Variants in C10orf120 observed in about 807,000 individuals in gnomAD.
The protein encoded by C10orf120 is uncharacterized protein C10orf120.
A neutral mutation model predicts 10.8 loss-of-function variants in C10orf120; 15 were observed. That is an observed-to-expected ratio of 1.39 (90% confidence interval 0.93 to 2.14). The LOEUF (loss-of-function observed/expected upper bound fraction) is 2.14. Among genes scored for constraint, C10orf120 ranks in the 30% most tolerant of loss-of-function variants. The pLI is 0.00. For missense variants in C10orf120, 447 were observed against 411.3 expected (o/e 1.09, Z -0.75); for synonymous variants, 141 against 138.9 (o/e 1.02, Z -0.11).
chr10:122,699,438 A>T, intron 1 of C10orf120, 26 bp from the exon 2 acceptor site: 1 of 1,585,112 alleles, frequency 6.3e-7, no homozygotes, highest in Non-Finnish European at 8.7e-7. Flanking sequence ...CAGGAATATC[A>T]GAATTCTGGA....
chr10:122,698,325 A>G lies in C10orf120; in HGVS notation c.416T>C (p.Leu139Pro). 1 of 1,614,144 alleles carries G rather than the reference A, an allele frequency of 6.2e-7. No homozygotes were observed. Residue 139 changes from leucine to proline, a missense_variant, in exon 3 of 3, where the codon CTA (leucine) becomes CCA (proline). Transcript: ENST00000329446. The stretch of plus-strand genomic sequence containing the variant: ...CACCTTTGCTGTCCATATTTTTTCT[A>G]GGGGTACACAAATAGCACAAGGAGA... ...HSSPCAICVP[L>P]EKIWTAKVIA...
Position 122,699,741 on chromosome 10 carries a change from GC to G in C10orf120, c.49del (p.Ala17LeufsTer36). The G allele has an allele frequency of 6.2e-7, 1 of 1,613,930 alleles. No homozygotes were observed. Among genetic ancestry groups the G allele is most frequent in the South Asian group, 1.1e-5 (1 of 91,064 alleles). ...CCTTTCTTGCACCATTGTGTCACTA[GC>G]CCTCTGTTTTTCAATCCTCTGACAG... ...NDCQRIEKQR[A>X]SDTMVQERKN... On this transcript the variant is annotated frameshift_variant, in exon 1 of 3. Coordinates refer to ENST00000329446, the MANE Select transcript of C10orf120 (RefSeq NM_001010912.4). LOFTEE classifies it high-confidence loss of function.
At position 122,699,347 on chromosome 10, in the gene C10orf120, T is replaced by C. The variant is rs1421099302; in HGVS notation, c.242A>G (p.Lys81Arg). The C allele has an allele frequency of 1.2e-6, 2 of 1,612,446 alleles. No homozygotes were observed. Among genetic ancestry groups the C allele is most frequent in the Non-Finnish European group, 1.7e-6 (2 of 1,178,768 alleles). Residue 81 changes from lysine to arginine, a missense_variant, in exon 2 of 3, where the codon AAA becomes AGA. Physicochemically the swap from Lys to Arg is conservative, Grantham distance 26 (BLOSUM62 2). Transcript: ENST00000329446. The part of the protein sequence containing the change: ...IALGKYSPLE[K>R]EILRLGGIHT... ...CTGCGGGACACTTACTAGGATCTCT[T>C]TTTCCAAGGGGGAGTATTTCCCAAG...
In C10orf120 at chr10:122,698,431, C is replaced by T. The variant is rs762904047; in HGVS notation, c.310G>A (p.Glu104Lys). 1 of 1,614,174 alleles carries T rather than the reference C, an allele frequency of 6.2e-7. No individual in the cohort carries two copies. Among genetic ancestry groups the T allele is most frequent in the East Asian group, 2.2e-5 (1 of 44,890 alleles). ...ARRLLAYKQEEECRMLKELQL... is the reference protein window; with the variant it reads ...ARRLLAYKQEKECRMLKELQL... ...AGTTCCTTGAGCATTCTGCATTCTT[C>T]CTCTTGCTTGTAAGCCAAAAGCCTT... is the stretch of plus-strand genomic sequence containing the variant. The change falls in exon 3 of 3, where the codon GAA becomes AAA. Residue 104 changes from glutamate to lysine, a missense_variant. Transcript: ENST00000329446.
At chr10:122,699,253 GT>G in intron 2 of C10orf120, 83 bp downstream of exon 2, 3 of 833,532 alleles carry the variant, frequency 3.6e-6, no homozygotes, top group Non-Finnish European at 6.0e-6. Context: ...TCTGTTACTG[GT>G]GGCTTCTGAA....
At chr10:122,699,452 G>C (rs1233944200) in intron 1 of C10orf120, 40 bp from the exon 2 acceptor site, 2 of 1,558,778 alleles carry the variant, frequency 1.3e-6, no homozygotes, top group African/African-American at 2.7e-5. Flanking sequence ...TTCTGGAAAG[G>C]CTCTTCCTAC....
In C10orf120 at chr10:122,697,979, T is replaced by C. The variant is rs1208949901; in HGVS notation, c.762A>G (p.Lys254=). 3 of 1,609,236 alleles carry C rather than the reference T, an allele frequency of 1.9e-6. No homozygotes were observed. The highest frequency in any genetic ancestry group is 2.2e-5 in the South Asian group (2 of 89,594). The change falls in exon 3 of 3, where the codon AAA becomes AAG. Residue 254 remains lysine (K), a synonymous_variant. Transcript: ENST00000329446. ...GATCATTTCCATGGTATGTTAAACA[T>C]TTTTTTGGTTCTTTTGACTTGAAAA... ...NVVFKSKEPK[K]CLTYHGNDRK...
intron 2 of C10orf120, among the ~76,000 whole-genome samples, chr10:122,698,860 C>G (rs987731065): frequency 6.6e-6 from 1 of 151,972 alleles, no homozygotes; most frequent in Non-Finnish European, 1.5e-5. Flanking sequence ...GGCGCGGTGG[C>G]TCACGCCTGT....
Position 122,697,748 on chromosome 10 carries a change from A to G in C10orf120, c.993T>C (p.Thr331=). Residue 331 remains threonine, a synonymous_variant, in exon 3 of 3, where the codon ACT becomes ACC. Transcript: ENST00000329446. ...SIWKERMRKA[T]PYHY ...AAATAAAACTTTAATAATGATAAGGAGTTGCTTTACGCATGCGCTCTTTCC... is the reference window on the plus strand; with the variant it reads ...AAATAAAACTTTAATAATGATAAGGGGTTGCTTTACGCATGCGCTCTTTCC... The G allele has an allele frequency of 6.2e-7, 1 of 1,614,028 alleles. No homozygotes were observed. Among genetic ancestry groups the G allele is most frequent in the Middle Eastern group, 1.7e-4 (1 of 6,058 alleles).
chr10:122,698,397 A>G lies in C10orf120; in HGVS notation c.344T>C (p.Leu115Pro). The G allele has an allele frequency of 6.2e-7, 1 of 1,614,174 alleles. No homozygotes were observed. The change falls in exon 3 of 3, where the codon CTG (leucine) becomes CCG (proline). Residue 115 changes from leucine to proline, a missense_variant. Transcript: ENST00000329446. ...CATTGCTTGTTTGTAGTCCGGAGAC[A>G]GCAACTGTAGTTCCTTGAGCATTCT... ...ECRMLKELQL[L>P]SPDYKQAMEY...
chr10:122,698,589 G>A (rs955506874), intron 2 of C10orf120, 101 bp from the exon 3 acceptor site: 1 of 1,104,984 alleles, frequency 9.0e-7, no homozygotes, highest in African/African-American at 1.6e-5. Flanking sequence ...TGTGGAAAGT[G>A]TTTGAGCCTC....
intron 2 of C10orf120, 150 bp downstream of exon 2, chr10:122,699,187 A>C (rs752280989): frequency 6.7e-4 from 254 of 378,928 alleles, no homozygotes; most frequent in African/African-American, 3.5e-3. Context: ...TTGCTGTGCA[A>C]GTGTGGAAGC....
chr10:122,697,897 GGTTT>G lies in C10orf120; in HGVS notation c.840_843del (p.Asn281GlufsTer13). On this transcript the variant is annotated frameshift_variant, in exon 3 of 3. Coordinates refer to ENST00000329446, the MANE Select transcript of C10orf120 (RefSeq NM_001010912.4). LOFTEE classifies it low-confidence loss of function (END_TRUNC). ...AATTCTGATATGCAGAAAAGATTTC[GGTTT>G]GTTAGGCCTGCGATGGACCGTTCCG... 6.2e-7 allele frequency: 1 copy of G among 1,614,170 alleles called. No individual in the cohort carries two copies. The highest frequency in any genetic ancestry group is 8.5e-7 in the Non-Finnish European group (1 of 1,180,036).
chr10:122,698,571 C>T (rs972825251), intron 2 of C10orf120, 83 bp from the exon 3 acceptor site: 11 of 1,297,786 alleles, frequency 8.5e-6, no homozygotes, highest in Non-Finnish European at 1.2e-5. Flanking sequence ...GGCTGGTTCT[C>T]CCTCCATTGT....
At position 122,698,079 on chromosome 10, in the gene C10orf120, T is replaced by A; in HGVS notation, c.662A>T (p.Asp221Val). The change falls in exon 3 of 3, where the codon GAT becomes GTT. Residue 221 changes from aspartate to valine, a missense_variant. Coordinates refer to ENST00000329446, the MANE Select transcript of C10orf120 (RefSeq NM_001010912.4). ...CTCTTTCTTATCTTGGTTGGCATCA[T>A]CACAATTATGGGTGTCATAGTTGTC... is the stretch of plus-strand genomic sequence containing the variant. ...KEDNYDTHNC[D>V]DANQDKKEEA... The A allele has an allele frequency of 6.2e-7, 1 of 1,613,610 alleles. No individual in the cohort carries two copies. Among genetic ancestry groups the A allele is most frequent in the Non-Finnish European group, 8.5e-7 (1 of 1,179,900 alleles).
intron 2 of C10orf120, among the ~76,000 whole-genome samples, chr10:122,699,082 C>A (rs996864481): frequency 7.6e-6 from 1 of 130,944 alleles, no homozygotes; most frequent in Non-Finnish European, 1.5e-5. Context: ...TGCAGTGAGC[C>A]GAGATTGCGC....
chr10:122,698,640 C>G (rs770909598), intron 2 of C10orf120, 152 bp from the exon 3 acceptor site: 82 of 719,334 alleles, frequency 1.1e-4, no homozygotes, highest in Middle Eastern at 4.0e-4. Context: ...GTCAGATAAC[C>G]TTGGGTTCAA....
In C10orf120 at chr10:122,698,305, T is replaced by C. The variant is rs144060316; in HGVS notation, c.436A>G (p.Lys146Glu). The C allele has an allele frequency of 4.8e-5, 77 of 1,614,100 alleles. No individual in the cohort carries two copies. Among genetic ancestry groups the C allele is most frequent in the South Asian group, 2.3e-4 (21 of 91,082 alleles). ...AATGCCTCCAGGGGCGCAATCACCT[T>C]TGCTGTCCATATTTTTTCTAGGGGT... ...CVPLEKIWTA[K>E]VIAPLEAFKM... Residue 146 changes from lysine to glutamate, a missense_variant, in exon 3 of 3, where the codon AAG becomes GAG. Physicochemically the swap from Lys to Glu is moderately conservative, Grantham distance 56. Coordinates refer to ENST00000329446, the MANE Select transcript of C10orf120 (RefSeq NM_001010912.4).
Position 122,698,175 on chromosome 10 carries a change from A to C in C10orf120, c.566T>G (p.Phe189Cys). The change falls in exon 3 of 3, where the codon TTT becomes TGT. Residue 189 changes from phenylalanine to cysteine, a missense_variant. Phe to Cys is a radical substitution (Grantham distance 205). Transcript: ENST00000329446. ...CCCAGACAGAAATGAGGAGCGTGTA[A>C]ACCTTTCAATGTAGGGTAAAGGCTG... ...NHQPLPYIER[F>C]TRSSFLSGVG... 3 of 1,613,212 alleles carry C rather than the reference A, an allele frequency of 1.9e-6. No homozygotes were observed. The highest frequency in any genetic ancestry group is 1.7e-6 in the Non-Finnish European group (2 of 1,179,808).
Sources: gnomAD v4.1 joint callset for allele counts (sites outside exome capture counted in the v4.1 genomes callset) on GRCh38, gnomAD v4.1.1 for gene constraint, MANE v1.5 for transcripts, NCBI Gene and HGNC (gene_info 2026-07-23, HGNC 2026-07-21) for gene names.